Variants in SGCZ observed in about 807,000 individuals in gnomAD.
SGCZ encodes sarcoglycan zeta, also known as zeta-sarcoglycan.
SGCZ carries 40 observed loss-of-function variants against 41.3 expected under a neutral mutation model. That is an observed-to-expected ratio of 0.97 (90% CI 0.75 to 1.26). The LOEUF is 1.26. Among genes scored for constraint, SGCZ ranks in the 50% most tolerant of loss-of-function variants. The pLI is 0.00. For missense variants in SGCZ, 552 were observed against 369.8 expected (o/e 1.49, Z -4.04); for synonymous variants, 206 against 137.5 (o/e 1.50, Z -3.49).
intron 1 of SGCZ, among the ~76,000 whole-genome samples, chr8:15,225,129 C>T (rs1220824291): frequency 6.6e-6 from 1 of 152,072 alleles, no homozygotes; most frequent in African/African-American, 2.4e-5. Context: ...CAAGTGAAAA[C>T]ATACACACTC....
intron 1 of SGCZ, among the ~76,000 whole-genome samples, chr8:14,601,166 A>AT (rs1174290213): frequency 1.3e-5 from 2 of 152,024 alleles, no homozygotes; most frequent in South Asian, 2.1e-4. Flanking sequence ...GTTCAATAAC[A>AT]TTTTACATGC....
intron 4 of SGCZ, among the ~76,000 whole-genome samples, chr8:14,211,249 G>T (rs1237068419): frequency 6.6e-6 from 1 of 152,058 alleles, no homozygotes; most frequent in Non-Finnish European, 1.5e-5. Flanking sequence ...TGTGCTCCTG[G>T]GCTGTGCAGT....
chr8:14,952,500 A>G (rs1800672060), intron 1 of SGCZ, among the ~76,000 whole-genome samples: 1 of 152,156 alleles, frequency 6.6e-6, no homozygotes, highest in Non-Finnish European at 1.5e-5. Context: ...GGGAGGCATC[A>G]TTGAGTTAAC....
intron 2 of SGCZ, among the ~76,000 whole-genome samples, chr8:14,460,758 C>T (rs1283684217): frequency 6.6e-6 from 1 of 152,048 alleles, no homozygotes; most frequent in East Asian, 1.9e-4. Context: ...TAGCAAGATG[C>T]CTAACTTTAG....
At chr8:14,811,518 CTTTTTTTTTT>C (rs71209087) in intron 1 of SGCZ, among the ~76,000 whole-genome samples, 652 of 49,752 alleles carry the variant, frequency 0.013, 21 homozygotes, top group African/African-American at 0.046. Context: ...GACACTGCAT[CTTTTTTTTTT>C]TTTTTTTTTT....
At chr8:15,199,194 C>T (rs1422030356) in intron 1 of SGCZ, among the ~76,000 whole-genome samples, 2 of 152,266 alleles carry the variant, frequency 1.3e-5, no homozygotes, top group South Asian at 2.1e-4. Context: ...TTCTTTCATT[C>T]CTCATGTCTT....
intron 1 of SGCZ, among the ~76,000 whole-genome samples, chr8:15,057,582 G>C (rs1274094345): frequency 1.3e-5 from 2 of 152,024 alleles, no homozygotes; most frequent in African/African-American, 2.4e-5. Context: ...ATTTACAATA[G>C]ACCAAAAATA....
chr8:14,381,852 C>T (rs938265644), intron 2 of SGCZ, among the ~76,000 whole-genome samples: 7 of 152,032 alleles, frequency 4.6e-5, no homozygotes, highest in African/African-American at 1.4e-4. Flanking sequence ...GCTTTATGCA[C>T]ACTAATTCAT....
intron 1 of SGCZ, among the ~76,000 whole-genome samples, chr8:14,648,573 C>T (rs1264722020): frequency 6.6e-6 from 1 of 152,084 alleles, no homozygotes; most frequent in African/African-American, 2.4e-5. Context: ...TTATGCAGCA[C>T]TGGGAAATGT....
intron 2 of SGCZ, among the ~76,000 whole-genome samples, chr8:14,358,690 C>A (rs962483623): frequency 6.6e-6 from 1 of 152,120 alleles, no homozygotes; most frequent in African/African-American, 2.4e-5. Context: ...TGGTTCACTG[C>A]AACTTCCACC....
chr8:14,280,965 C>A (rs1180334852), intron 3 of SGCZ, among the ~76,000 whole-genome samples: 2 of 151,872 alleles, frequency 1.3e-5, no homozygotes, highest in Admixed American at 6.5e-5. Flanking sequence ...ATTTGATAAC[C>A]ATATCCTTTC....
At position 14,169,948 on chromosome 8, in the gene SGCZ, A is replaced by G. The variant is rs538340709; in HGVS notation, c.425-5246T>C. 7.9e-5 allele frequency among the ~76,000 whole-genome samples: 12 copies of G among 152,290 alleles called. 1 individual carries two copies. The highest frequency in any genetic ancestry group is 2.6e-4 in the African/African-American group (11 of 41,562). ...AGACACTCTTGGAGAAATTGCTGAA[A>G]CAGCTGGATGGAGTCAGAAACAAAC... On this transcript the variant is annotated intron_variant, in intron 4 of 7. Transcript: ENST00000382080.
intron 1 of SGCZ, among the ~76,000 whole-genome samples, chr8:14,822,809 A>G (rs1228964892): frequency 6.6e-6 from 1 of 152,122 alleles, no homozygotes; most frequent in East Asian, 1.9e-4. Context: ...TTCATGATAT[A>G]CAAAAGTAAA....
At chr8:14,595,345 T>C (rs751234031) in intron 1 of SGCZ, among the ~76,000 whole-genome samples, 6 of 152,092 alleles carry the variant, frequency 3.9e-5, no homozygotes, top group Non-Finnish European at 8.8e-5. Context: ...CAAGTGCATA[T>C]GTATCTGTGT....
At chr8:14,601,096 G>A (rs1400211308) in intron 1 of SGCZ, among the ~76,000 whole-genome samples, 5 of 150,586 alleles carry the variant, frequency 3.3e-5, no homozygotes, top group African/African-American at 1.2e-4. Flanking sequence ...ATATAAAATT[G>A]ATCATACTGT....
intron 1 of SGCZ, among the ~76,000 whole-genome samples, chr8:14,758,057 G>A (rs1276450544): frequency 1.3e-5 from 2 of 151,978 alleles, no homozygotes; most frequent in Non-Finnish European, 2.9e-5. Context: ...CCCATTTCCA[G>A]TAACTTTTTA....
intron 2 of SGCZ, among the ~76,000 whole-genome samples, chr8:14,338,938 A>G (rs984187614): frequency 4.6e-5 from 7 of 152,164 alleles, no homozygotes; most frequent in African/African-American, 7.2e-5. Flanking sequence ...TTCAGCCTGG[A>G]CAAGTGCACA....
At chr8:14,813,426 T>G (rs1430134570) in intron 1 of SGCZ, among the ~76,000 whole-genome samples, 1 of 152,186 alleles carries the variant, frequency 6.6e-6, no homozygotes, top group African/African-American at 2.4e-5. Context: ...GGTTAACTCA[T>G]TATAGCTAGA....
chr8:14,996,509 A>G (rs150245796), intron 1 of SGCZ, among the ~76,000 whole-genome samples: 197 of 152,048 alleles, frequency 1.3e-3, no homozygotes, highest in African/African-American at 4.6e-3. Flanking sequence ...TCAAGTGATC[A>G]TTGAGCCTCA....
Sources: gnomAD v4.1 joint callset for allele counts (sites outside exome capture counted in the v4.1 genomes callset) on GRCh38, gnomAD v4.1.1 for gene constraint, MANE v1.5 for transcripts, NCBI Gene and HGNC (gene_info 2026-07-23, HGNC 2026-07-21) for gene names.